Variants in DNAH6 observed in about 807,000 individuals in gnomAD.
DNAH6 encodes dynein axonemal heavy chain 6.
A neutral mutation model predicts 491.4 loss-of-function variants in DNAH6; 340 were observed. That is an observed-to-expected ratio of 0.69 (90% CI 0.63 to 0.76). DNAH6 has a LOEUF of 0.76. Ranked by LOEUF, DNAH6 falls within the 30% of genes least tolerant of loss-of-function variation. DNAH6 has a pLI of 0.00. For synonymous variants in DNAH6, 1,603 were observed against 1,686.1 expected (o/e 0.95, Z 1.21); for missense variants, 4,443 against 4,972.2 (o/e 0.89, Z 3.20).
chr2:84,790,643 A>C (rs981437707), intron 68 of DNAH6, among the ~76,000 whole-genome samples: 4 of 152,200 alleles, frequency 2.6e-5, no homozygotes, highest in African/African-American at 9.6e-5. Flanking sequence ...AAGATGCTCA[A>C]TTTGTCATGA....
the DNAH6 span, among the ~76,000 whole-genome samples, chr2:84,480,589 A>ATGT: frequency 6.6e-6 from 1 of 152,246 alleles, no homozygotes. Context: ...AATACTCAAC[A>ATGT]GATGTAGACC....
rs1357723066 is a variant in DNAH6, at chr2:84,796,416, T to C, written c.11350T>C (p.Ser3784Pro). 1.3e-6 allele frequency: 2 copies of C among 1,521,610 alleles called. No homozygotes were observed. The highest frequency in any genetic ancestry group is 2.1e-5 in the Admixed American group (1 of 47,012). 94.3% of individuals were successfully genotyped at this position (1,521,610 alleles called of 1,614,324 possible). The stretch of plus-strand genomic sequence containing the variant: ...AACATTAGAAGAAGATTATAAATAC[T>C]CTGAATCAGGTGAATGACTTTTCAA... ...PETLEEDYKY[S>P]ESGIYFAPMA... is the part of the protein sequence containing the mutation. The change falls in exon 69 of 77, where the codon TCT becomes CCT. Residue 3784 changes from serine to proline, a missense_variant. Physicochemically the swap from Ser to Pro is moderately conservative, Grantham distance 74 (BLOSUM62 -1). Around this residue, in one of 3 missense-constraint regions of DNAH6, gnomAD observed 1,463 missense variants for 1,656.6 expected, o/e 0.88. Coordinates refer to ENST00000389394, the MANE Select transcript of DNAH6 (RefSeq NM_001370.2).
chr2:84,701,659 G>T (rs1192270), intron 49 of DNAH6, among the ~76,000 whole-genome samples: 1 of 152,092 alleles, frequency 6.6e-6, no homozygotes, highest in Non-Finnish European at 1.5e-5. Flanking sequence ...AGAGAGAGAG[G>T]GGGGTGGTGC....
chr2:84,518,976 T>G (rs1325100874), intron 2 of DNAH6, among the ~76,000 whole-genome samples: 1 of 151,980 alleles, frequency 6.6e-6, no homozygotes, highest in African/African-American at 2.4e-5. Context: ...GCCCAGGAGG[T>G]AGAGGCTGCA....
the DNAH6 span, among the ~76,000 whole-genome samples, chr2:84,493,230 T>C: frequency 6.6e-6 from 1 of 152,198 alleles, no homozygotes; most frequent in Non-Finnish European, 1.5e-5. Context: ...ATAATATATG[T>C]ATACAAATTC....
intron 39 of DNAH6, 113 bp downstream of exon 39, chr2:84,670,588 T>C: frequency 2.5e-6 from 2 of 800,970 alleles, no homozygotes; most frequent in East Asian, 5.6e-5. Flanking sequence ...CTTAATTTAC[T>C]TGTAAAGGTG....
chr2:84,710,157 A>C, intron 55 of DNAH6, 130 bp from the exon 56 acceptor site: 19 of 1,123,678 alleles, frequency 1.7e-5, no homozygotes, highest in Non-Finnish European at 2.1e-5. Flanking sequence ...GGGACAGGGG[A>C]GTACAGTTTA....
rs1680070477 is a variant in DNAH6, at chr2:84,812,335, T to G, written c.11740-6T>G. On this transcript the variant is annotated splice_polypyrimidine_tract_variant and splice_region_variant and intron_variant, in intron 72 of 76. Coordinates refer to ENST00000389394, the MANE Select transcript of DNAH6 (RefSeq NM_001370.2). ...AAGGCCACCAACCCCTTTTTTGTTC[T>G]TTCAGACTTCTCTGGAAACACTCAA... The G allele has an allele frequency of 6.4e-7, 1 of 1,551,090 alleles. No homozygotes were observed.
intron 63 of DNAH6, among the ~76,000 whole-genome samples, chr2:84,754,243 G>A (rs1359274517): frequency 4.0e-5 from 6 of 148,834 alleles, no homozygotes; most frequent in African/African-American, 1.2e-4. Flanking sequence ...GCAATGGCAC[G>A]ATCTCGGCTC....
intron 36 of DNAH6, 104 bp downstream of exon 36, chr2:84,658,578 T>C (rs1573386175): frequency 2.3e-6 from 2 of 863,860 alleles, no homozygotes; most frequent in Non-Finnish European, 3.3e-6. Context: ...ATTTGATTTT[T>C]AAGTTAATTT....
intron 29 of DNAH6, among the ~76,000 whole-genome samples, chr2:84,632,963 TAGATGA>T (rs1234898404): frequency 1.3e-5 from 2 of 152,208 alleles, no homozygotes; most frequent in Non-Finnish European, 2.9e-5. Flanking sequence ...TTCATAAGTA[TAGATGA>T]AGGACTAATT....
At chr2:84,695,017 A>G (rs1369332727) in intron 46 of DNAH6, among the ~76,000 whole-genome samples, 2 of 152,210 alleles carry the variant, frequency 1.3e-5, no homozygotes, top group Non-Finnish European at 1.5e-5. Flanking sequence ...TTAGCCAACG[A>G]ATAAAAAAGT....
the DNAH6 span, among the ~76,000 whole-genome samples, chr2:84,463,295 G>C: frequency 1.3e-5 from 2 of 152,192 alleles, no homozygotes; most frequent in Non-Finnish European, 2.9e-5. Context: ...TGCAGGTTGT[G>C]GAGCCACAGA....
Position 84,641,941 on chromosome 2 carries a change from A to G in DNAH6, c.4971-6A>G. ...GATATTATCCGAAATATTCCTTTAA[A>G]TTTAGATCTTTAAAAAGAGAAAACC... On this transcript the variant is annotated splice_polypyrimidine_tract_variant and splice_region_variant and intron_variant, in intron 32 of 76. Coordinates refer to ENST00000389394, the MANE Select transcript of DNAH6 (RefSeq NM_001370.2). 1 of 1,545,748 alleles carries G rather than the reference A, an allele frequency of 6.5e-7. No individual in the cohort carries two copies. Among genetic ancestry groups the G allele is most frequent in the Non-Finnish European group, 8.7e-7 (1 of 1,142,990 alleles).
the DNAH6 span, among the ~76,000 whole-genome samples, chr2:84,464,988 C>T: frequency 2.0e-5 from 3 of 152,062 alleles, no homozygotes; most frequent in Non-Finnish European, 2.9e-5. Context: ...ATAAGAGAAC[C>T]CTTAATTCTA....
At chr2:84,737,436 G>T (rs1013565536) in intron 62 of DNAH6, among the ~76,000 whole-genome samples, 2 of 151,836 alleles carry the variant, frequency 1.3e-5, no homozygotes, top group African/African-American at 2.4e-5. Flanking sequence ...GGTACAATTT[G>T]GTTGTAAAGG....
chr2:84,691,772 C>A (rs901261197), intron 45 of DNAH6, among the ~76,000 whole-genome samples: 1 of 152,282 alleles, frequency 6.6e-6, no homozygotes, highest in Non-Finnish European at 1.5e-5. Flanking sequence ...TGAAATATTA[C>A]TCTTTAAAAA....
rs1421458713 is a variant in DNAH6 at position 84,653,532 on chromosome 2, A to T, written c.5292A>T (p.Arg1764=). 3 of 1,551,370 alleles carry T rather than the reference A, an allele frequency of 1.9e-6. No individual in the cohort carries two copies. In the Admixed American group the frequency reaches 5.9e-5, roughly 30 times the overall value. Residue 1764 remains arginine, a synonymous_variant, in exon 34 of 77, where the codon CGA becomes CGT. Coordinates refer to ENST00000389394, the MANE Select transcript of DNAH6 (RefSeq NM_001370.2). ...PTGGGKTTVY[R]ILAETLGNLQ... ...GAGGCGGCAAGACCACAGTTTACCG[A>T]ATACTAGCAGAAACTTTAGGGAATT... is the stretch of plus-strand genomic sequence containing the variant.
rs564606228 is a variant in DNAH6 at position 84,699,267 on chromosome 2, C to T, written c.7678-327C>T. 4.6e-5 allele frequency among the ~76,000 whole-genome samples: 7 copies of T among 152,268 alleles called. No homozygotes were observed. The East Asian group carries it at 1.4e-3, about 29-fold the overall frequency. ...CTGTACAACTGTGCAGCACCCTGCC[C>T]CTCTCTCCCAGATGTCTTCTGCCCC... On this transcript the variant is annotated intron_variant, in intron 47 of 76. Coordinates refer to ENST00000389394, the MANE Select transcript of DNAH6 (RefSeq NM_001370.2).
Sources: allele counts gnomAD v4.1 joint callset (sites outside exome capture counted in the v4.1 genomes callset), GRCh38; gene constraint gnomAD v4.1.1; regional missense constraint gnomAD v4.1.1; transcripts MANE v1.5; gene names NCBI Gene and HGNC (gene_info 2026-07-23, HGNC 2026-07-21).